Variants in GGTA1 observed in about 807,000 individuals in gnomAD.
GGTA1 encodes inactive N-acetyllactosaminide alpha-1,3-galactosyltransferase.
A neutral mutation model predicts 2.6 loss-of-function variants in GGTA1; 5 were observed. The ratio of observed to expected loss-of-function variants is 1.92; its 90% CI spans 1.00 to 4.04. The LOEUF is 4.04. Among genes scored for constraint, GGTA1 ranks in the 30% most tolerant of loss-of-function variants. The pLI, the probability that GGTA1 is intolerant of heterozygous loss-of-function variation, is 0.00. For missense variants in GGTA1, 50 were observed against 16.7 expected (o/e 2.99, Z -3.47); for synonymous variants, 17 against 5.0 (o/e 3.38, Z -3.19).
At chr9:121,491,877 G>T (rs913147962) in intron 1 of GGTA1, among the ~76,000 whole-genome samples, 2 of 152,094 alleles carry the variant, frequency 1.3e-5, no homozygotes, top group Non-Finnish European at 2.9e-5. Flanking sequence ...TCCAAAGTGG[G>T]ATTACAAGTG....
rs10681377 is a variant in GGTA1 at position 121,464,324 on chromosome 9, G to GTTTT, written c.81-1000_81-997dup. ...CAAACATAATTTTTGCCTCCTTGAGGTTTTTTTTTTTTTTTTTTTTGAGAT... is the reference window on the plus strand; with the variant it reads ...CAAACATAATTTTTGCCTCCTTGAGGTTTTTTTTTTTTTTTTTTTTTTTTGAGAT... On this transcript the variant is annotated intron_variant, in intron 2 of 5. Transcript: ENST00000481799. 2.7e-3 allele frequency among the ~76,000 whole-genome samples: 299 copies of GTTTT among 111,832 alleles called. 9 individuals are homozygous for GTTTT. The highest frequency in any genetic ancestry group is 3.1e-3 in the Non-Finnish European group (182 of 58,892). 73.4% of individuals were successfully genotyped at this position (111,832 alleles called of 152,430 possible). A position where few individuals can be genotyped will look rare whatever the true frequency, so the allele number is the denominator to read the frequency against.
chr9:121,487,171 A>C (rs1392364866), intron 1 of GGTA1, among the ~76,000 whole-genome samples: 1 of 152,244 alleles, frequency 6.6e-6, no homozygotes, highest in South Asian at 2.1e-4. Context: ...GCCCATTCCC[A>C]GTTTGCCCCA....
chr9:121,481,200 T>C (rs1175960134), intron 1 of GGTA1, among the ~76,000 whole-genome samples: 1 of 147,766 alleles, frequency 6.8e-6, no homozygotes, highest in African/African-American at 2.5e-5. Context: ...CCAAACTAGA[T>C]GCTCTCCCAA....
chr9:121,463,816 G>A (rs1174338677), intron 2 of GGTA1, among the ~76,000 whole-genome samples: 4 of 152,122 alleles, frequency 2.6e-5, no homozygotes, highest in African/African-American at 9.7e-5. Context: ...CTGAAAGGAC[G>A]GAAATGCCGT....
At chr9:121,448,355 G>A (rs1171266191) in intron 7 of GGTA1, among the ~76,000 whole-genome samples, 1 of 152,132 alleles carries the variant, frequency 6.6e-6, no homozygotes, top group Non-Finnish European at 1.5e-5. Flanking sequence ...GCACTCTCTT[G>A]TCCTCTGTGA....
intron 1 of GGTA1, among the ~76,000 whole-genome samples, chr9:121,469,289 G>A (rs1025588991): frequency 3.2e-4 from 49 of 152,298 alleles, no homozygotes; most frequent in African/African-American, 1.0e-3. Context: ...TATTTTGGGA[G>A]CAGCATATGT....
intron 3 of GGTA1, among the ~76,000 whole-genome samples, chr9:121,462,342 T>TA (rs1293135075): frequency 1.4e-5 from 2 of 145,652 alleles, no homozygotes; most frequent in African/African-American, 5.1e-5. Context: ...TAAAAAAAAA[T>TA]AAAAAGAAAA....
chr9:121,470,261 A>T (rs1269801832), intron 1 of GGTA1, among the ~76,000 whole-genome samples: 1 of 152,226 alleles, frequency 6.6e-6, no homozygotes, highest in African/African-American at 2.4e-5. Context: ...AAGAGAATTG[A>T]TAGGATTTGG....
At chr9:121,495,515 C>A (rs1484304574) in intron 1 of GGTA1, among the ~76,000 whole-genome samples, 1 of 152,142 alleles carries the variant, frequency 6.6e-6, no homozygotes, top group African/African-American at 2.4e-5. Context: ...CCACTGCACT[C>A]CAGCCTGGGC....
chr9:121,473,201 T>C (rs2118711042), intron 1 of GGTA1, among the ~76,000 whole-genome samples: 1 of 151,250 alleles, frequency 6.6e-6, no homozygotes, highest in South Asian at 2.1e-4. Flanking sequence ...ATGCCTGTAA[T>C]ACCGGCTACT....
At chr9:121,471,006 C>G (rs1828376614) in intron 1 of GGTA1, among the ~76,000 whole-genome samples, 1 of 152,204 alleles carries the variant, frequency 6.6e-6, no homozygotes, top group Non-Finnish European at 1.5e-5. Flanking sequence ...TGGGCGGTTA[C>G]AAGGTTACCT....
In GGTA1 at chr9:121,460,309, C is replaced by T. The variant is rs115095487; in HGVS notation, c.183-90G>A. On this transcript the variant is annotated intron_variant, in intron 4 of 5. Transcript: ENST00000481799. Reference sequence around the variant, plus strand: ...GTGAATATCTTGTGGAAATGTGTTCCAAGGCAGATTATGCATGCACTAAGT... The same window carrying T: ...GTGAATATCTTGTGGAAATGTGTTCTAAGGCAGATTATGCATGCACTAAGT... 840 of 442,530 alleles carry T rather than the reference C, an allele frequency of 1.9e-3. 7 individuals carry two copies. Among genetic ancestry groups the T allele is most frequent in the African/African-American group, 0.015 (731 of 49,652 alleles). The allele number at this position is 442,530 out of a possible 1,614,324, so 27.4% of individuals were successfully genotyped here.
chr9:121,496,785 T>A (rs1416864732), intron 1 of GGTA1, among the ~76,000 whole-genome samples: 2 of 128,148 alleles, frequency 1.6e-5, no homozygotes, highest in Non-Finnish European at 3.2e-5. Flanking sequence ...TGAATGAACC[T>A]AGGGGGCAGA....
chr9:121,495,527 A>T (rs551112581), intron 1 of GGTA1, among the ~76,000 whole-genome samples: 2 of 152,192 alleles, frequency 1.3e-5, no homozygotes, highest in African/African-American at 4.8e-5. Context: ...AGCCTGGGCA[A>T]CAAGAGCAAA....
chr9:121,489,959 G>A (rs1178043524), intron 1 of GGTA1, among the ~76,000 whole-genome samples: 2 of 152,218 alleles, frequency 1.3e-5, no homozygotes, highest in Non-Finnish European at 2.9e-5. Flanking sequence ...TAGGTATCAA[G>A]GGTCTGTAAG....
chr9:121,493,415 C>T (rs1274235839), intron 1 of GGTA1, among the ~76,000 whole-genome samples: 1 of 151,968 alleles, frequency 6.6e-6, no homozygotes. Context: ...GGTTTTTCGC[C>T]CAAGACATTA....
chr9:121,477,007 CAAG>C (rs1457272555), intron 1 of GGTA1, among the ~76,000 whole-genome samples: 5 of 152,154 alleles, frequency 3.3e-5, no homozygotes, highest in African/African-American at 9.7e-5. Context: ...CCTTTGGCCT[CAAG>C]AAGAAGGAGA....
At chr9:121,460,629 C>T (rs556008583) in intron 4 of GGTA1, among the ~76,000 whole-genome samples, 2 of 152,222 alleles carry the variant, frequency 1.3e-5, no homozygotes, top group East Asian at 1.9e-4. Context: ...GGGCAGATCA[C>T]CTGTCAGGAG....
At position 121,476,416 on chromosome 9, in the gene GGTA1, G is replaced by A. The variant is rs1340498277; in HGVS notation, c.-9-8485C>T. ...CCAGCTTTCTAAACTGGCGTCACGA[G>A]TTTCTCTGGCCTCAGACTCCTTGGC... On this transcript the variant is annotated intron_variant, in intron 1 of 5. Coordinates refer to ENST00000481799, the MANE Select transcript of GGTA1 (RefSeq NM_001382585.1). The surrounding 1 kb of genome is among the most constrained non-coding windows in gnomAD (Gnocchi z 4.6). Among the ~76,000 whole-genome samples, 1 of 152,124 alleles carries A rather than the reference G, an allele frequency of 6.6e-6. No individual in the cohort carries two copies. The highest frequency in any genetic ancestry group is 6.6e-5 in the Admixed American group (1 of 15,264).
Sources: gnomAD v4.1 joint callset for allele counts (sites outside exome capture counted in the v4.1 genomes callset) on GRCh38, gnomAD v4.1.1 for gene constraint, Gnocchi (gnomAD v3.1) non-coding constraint, MANE v1.5 for transcripts, NCBI Gene and HGNC (gene_info 2026-07-23, HGNC 2026-07-21) for gene names.